NOVA1: variants seen among roughly 807,000 people sequenced by gnomAD.
NOVA1 encodes NOVA alternative splicing regulator 1.
NOVA1 carries 7 observed loss-of-function variants against 38.0 expected under a neutral mutation model. The ratio of observed to expected loss-of-function variants is 0.18; its 90% CI spans 0.10 to 0.35. The LOEUF is 0.35. NOVA1 is among the 10% of genes least tolerant of loss of function. The pLI, the probability that NOVA1 is intolerant of heterozygous loss-of-function variation, is 1.00. For missense variants in NOVA1, 460 were observed against 616.0 expected (o/e 0.75, Z 2.68); for synonymous variants, 270 against 232.5 (o/e 1.16, Z -1.47).
At position 26,543,055 on chromosome 14, in the gene NOVA1, C is replaced by T. The variant is rs540616115; in HGVS notation, c.280+52355G>A. Among the ~76,000 whole-genome samples the T allele has an allele frequency of 2.7e-4, 41 of 152,034 alleles. No homozygotes were observed. The South Asian group carries it at 8.3e-3, about 31-fold the overall frequency. On this transcript the variant is annotated intron_variant, in intron 2 of 4. Transcript: ENST00000539517. ...AAGAGTGGAATTGGAATTCTCCTAA[C>T]ACAAAGAAACGATAAGTGCTTGAGG...
intron 2 of NOVA1, among the ~76,000 whole-genome samples, chr14:26,550,533 C>T (rs948849468): frequency 2.6e-5 from 4 of 152,114 alleles, no homozygotes; most frequent in Admixed American, 6.6e-5. Context: ...TTACCACATT[C>T]TGCTTTTACT....
intron 2 of NOVA1, among the ~76,000 whole-genome samples, chr14:26,509,444 T>G (rs972488566): frequency 1.3e-5 from 2 of 152,156 alleles, no homozygotes; most frequent in African/African-American, 4.8e-5. Context: ...CAATTAAGTA[T>G]GAGAAGCAAT....
chr14:26,540,472 T>C (rs1429777919), intron 2 of NOVA1, among the ~76,000 whole-genome samples: 1 of 152,176 alleles, frequency 6.6e-6, no homozygotes, highest in Non-Finnish European at 1.5e-5. Context: ...TTTGCCACAA[T>C]TATTTCCTCA....
At chr14:26,493,093 C>A (rs1263515825) in intron 2 of NOVA1, among the ~76,000 whole-genome samples, 1 of 152,022 alleles carries the variant, frequency 6.6e-6, no homozygotes, top group South Asian at 2.1e-4. Flanking sequence ...TTTTTGTATG[C>A]CCTGATGTGA....
At chr14:26,546,967 C>T (rs113429343) in intron 2 of NOVA1, among the ~76,000 whole-genome samples, 2,704 of 152,110 alleles carry the variant, frequency 0.018, 69 homozygotes, top group African/African-American at 0.062. Context: ...TGCAGTGAGC[C>T]GAGATCGTGC....
At chr14:26,568,075 A>G (rs1892244321) in intron 2 of NOVA1, among the ~76,000 whole-genome samples, 1 of 152,206 alleles carries the variant, frequency 6.6e-6, no homozygotes, top group Non-Finnish European at 1.5e-5. Flanking sequence ...TCTTGGGAAA[A>G]GGTAGGCCAA....
chr14:26,580,901 C>T (rs1270772497), intron 2 of NOVA1, among the ~76,000 whole-genome samples: 1 of 151,818 alleles, frequency 6.6e-6, no homozygotes, highest in Non-Finnish European at 1.5e-5. Flanking sequence ...ACATTAAAAT[C>T]TCTGCTATAA....
chr14:26,585,942 T>C (rs1254169164), intron 2 of NOVA1, among the ~76,000 whole-genome samples: 1 of 151,428 alleles, frequency 6.6e-6, no homozygotes, highest in African/African-American at 2.4e-5. Flanking sequence ...CTGCCTTCTA[T>C]ATCCACTGTA....
In NOVA1 at chr14:26,530,859, T is replaced by TA. The variant is rs1644209901; in HGVS notation, c.281-50717_281-50716insT. On this transcript the variant is annotated intron_variant, in intron 2 of 4. Coordinates refer to ENST00000539517, the MANE Select transcript of NOVA1 (RefSeq NM_002515.3). Reference sequence around the variant, plus strand: ...TAAATATCATCCTTTCTAAAATTCCTCAAGGCAAGAATCCTAAATATAATA... The same window carrying TA: ...TAAATATCATCCTTTCTAAAATTCCTACAAGGCAAGAATCCTAAATATAATA... Among the ~76,000 whole-genome samples the TA allele has an allele frequency of 3.9e-5, 6 of 152,150 alleles. No individual in the cohort carries two copies. The South Asian group carries it at 1.2e-3, about 32-fold the overall frequency.
chr14:26,546,116 A>G (rs1016728091), intron 2 of NOVA1, among the ~76,000 whole-genome samples: 19 of 152,118 alleles, frequency 1.2e-4, no homozygotes, highest in African/African-American at 4.3e-4. Flanking sequence ...CATTTAGAAA[A>G]AAACATTTTT....
At chr14:26,535,561 C>A (rs1259653556) in intron 2 of NOVA1, among the ~76,000 whole-genome samples, 1 of 152,054 alleles carries the variant, frequency 6.6e-6, no homozygotes, top group African/African-American at 2.4e-5. Flanking sequence ...TCTCAAAAAA[C>A]CCTGGCATAT....
At chr14:26,454,313 A>G (rs1015937669) in intron 4 of NOVA1, among the ~76,000 whole-genome samples, 4 of 152,148 alleles carry the variant, frequency 2.6e-5, no homozygotes, top group Non-Finnish European at 5.9e-5. Context: ...CACACCCATA[A>G]CCTTTACTGG....
In NOVA1 at chr14:26,467,201, A is replaced by G. The variant is rs187413412; in HGVS notation, c.519+5119T>C. Among the ~76,000 whole-genome samples, 49 of 152,334 alleles carry G rather than the reference A, an allele frequency of 3.2e-4. No individual in the cohort carries two copies. The East Asian group carries it at 8.5e-3, about 26-fold the overall frequency. On this transcript the variant is annotated intron_variant, in intron 4 of 4. Transcript: ENST00000539517. Reference sequence around the variant, plus strand: ...GGATTCTGAGAAGAAGCAAAATGGAACCAGGCAGGAGGAAAATCAAACGTG... The same window carrying G: ...GGATTCTGAGAAGAAGCAAAATGGAGCCAGGCAGGAGGAAAATCAAACGTG...
At chr14:26,486,540 T>C (rs1416811944) in intron 2 of NOVA1, among the ~76,000 whole-genome samples, 3 of 151,212 alleles carry the variant, frequency 2.0e-5, no homozygotes, top group African/African-American at 7.3e-5. Context: ...AAACCCCGTC[T>C]CCACTAAAAA....
At chr14:26,534,239 T>C (rs1889919924) in intron 2 of NOVA1, among the ~76,000 whole-genome samples, 1 of 152,190 alleles carries the variant, frequency 6.6e-6, no homozygotes, top group Non-Finnish European at 1.5e-5. Context: ...AAATACAGCT[T>C]AATACAGAAA....
chr14:26,498,515 T>C (rs957844846), intron 2 of NOVA1, among the ~76,000 whole-genome samples: 1 of 152,100 alleles, frequency 6.6e-6, no homozygotes, highest in Admixed American at 6.5e-5. Flanking sequence ...ATTCAGAAAA[T>C]GCCATATTAC....
At chr14:26,484,457 A>AAC (rs1885724109) in intron 2 of NOVA1, among the ~76,000 whole-genome samples, 2 of 102,586 alleles carry the variant, frequency 1.9e-5, no homozygotes, top group Non-Finnish European at 4.0e-5. Context: ...AAAAAAAAAA[A>AAC]AAAAAGAAAT....
chr14:26,461,932 C>T (rs922783924), intron 4 of NOVA1, among the ~76,000 whole-genome samples: 15 of 108,578 alleles, frequency 1.4e-4, no homozygotes, highest in African/African-American at 3.5e-4. Flanking sequence ...AAGAGTGAAA[C>T]TCCGTCTCAA....
At chr14:26,583,148 A>C (rs2138776295) in intron 2 of NOVA1, among the ~76,000 whole-genome samples, 1 of 151,876 alleles carries the variant, frequency 6.6e-6, no homozygotes, top group East Asian at 1.9e-4. Flanking sequence ...TCAGTTGAGA[A>C]GATAAGCTAA....
Sources: allele counts gnomAD v4.1 joint callset (sites outside exome capture counted in the v4.1 genomes callset), GRCh38; gene constraint gnomAD v4.1.1; transcripts MANE v1.5; gene names NCBI Gene and HGNC (gene_info 2026-07-23, HGNC 2026-07-21).